ITPR2: variants seen among roughly 807,000 people sequenced by gnomAD.
ITPR2 encodes the protein inositol 1,4,5-trisphosphate receptor type 2.
Under a neutral mutation model 317.1 loss-of-function variants are expected in ITPR2, and 207 were observed. The observed-to-expected ratio is 0.65, with a 90% CI of 0.58 to 0.73. The LOEUF (loss-of-function observed/expected upper bound fraction) is 0.73, where lower values mean the gene tolerates loss of function less well. Among genes scored for constraint, ITPR2 ranks in the 30% least tolerant of loss-of-function variants. The pLI is 0.00. For missense variants in ITPR2, 2,613 were observed against 3,284.0 expected, an observed-to-expected ratio of 0.80 and a Z score of 4.99; for synonymous variants, 1,156 against 1,149.1, an observed-to-expected ratio of 1.01 and a Z score of -0.12.
chr12:26,682,665 T>A lies in ITPR2; in HGVS notation c.1157A>T (p.Tyr386Phe), dbSNP rs1178717385. The A allele has an allele frequency of 1.2e-6, 2 of 1,607,796 alleles. No homozygotes were observed. Among genetic ancestry groups the A allele is most frequent in the Non-Finnish European group, 1.7e-6 (2 of 1,175,562 alleles). The change falls in exon 12 of 57, where the codon TAT (tyrosine) becomes TTT (phenylalanine). Residue 386 changes from tyrosine (Y) to phenylalanine (F), a missense_variant. By Grantham distance (22) the Tyr-to-Phe change is conservative. Transcript: ENST00000381340. Reference sequence around the variant, plus strand: ...GGTGCATAAATGCCTTAACCGAACATATGAGTTCCTAAAAGCAAAACAATA... The same window carrying A: ...GGTGCATAAATGCCTTAACCGAACAAATGAGTTCCTAAAAGCAAAACAATA... ...RADCLVPRNS[Y>F]VRLRHLCTNT... is the part of the protein sequence containing the mutation.
rs774760266 is a variant in ITPR2 at position 26,665,975 on chromosome 12, C to T, written c.1486G>A (p.Val496Met). Residue 496 changes from valine to methionine, a missense_variant, in exon 14 of 57, where the codon GTG becomes ATG. Val to Met is a conservative substitution (Grantham distance 21). Transcript: ENST00000381340. ...VPNNGQEVLD[V>M]VITKPNRERQ... ...TCTCGGTTTGGCTTAGTGATAACCA[C>T]ATCCAGAACTTCTTGTCCATTATTA... 3 of 1,613,672 alleles carry T rather than the reference C, an allele frequency of 1.9e-6. No homozygotes were observed. The highest frequency in any genetic ancestry group is 2.5e-6 in the Non-Finnish European group (3 of 1,179,604).
At chr12:26,372,891 C>A (rs937372281) in intron 55 of ITPR2, among the ~76,000 whole-genome samples, 3 of 152,312 alleles carry the variant, frequency 2.0e-5, no homozygotes, top group Middle Eastern at 3.4e-3. Flanking sequence ...TCGCGCCTCC[C>A]ACTGCCCCCC....
At chr12:26,697,746 T>C (rs1362023393) in intron 9 of ITPR2, among the ~76,000 whole-genome samples, 2 of 152,084 alleles carry the variant, frequency 1.3e-5, no homozygotes, top group Non-Finnish European at 2.9e-5. Context: ...AGGCAGAGGT[T>C]GCAGTGACTG....
At chr12:26,531,654 T>TAC (rs144906868) in intron 37 of ITPR2, among the ~76,000 whole-genome samples, 49,758 of 138,636 alleles carry the variant, frequency 0.36, 9,743 homozygotes, top group Non-Finnish European at 0.49. Flanking sequence ...TTACTGTATT[T>TAC]ACACACACAC....
intron 1 of ITPR2, among the ~76,000 whole-genome samples, chr12:26,814,390 A>C (rs1009820042): frequency 3.3e-5 from 5 of 152,198 alleles, no homozygotes; most frequent in African/African-American, 1.2e-4. Context: ...AAATAAAACT[A>C]GTGTCTTCAG....
chr12:26,452,108 TC>T (rs1021567112), intron 45 of ITPR2, among the ~76,000 whole-genome samples: 2 of 152,004 alleles, frequency 1.3e-5, no homozygotes, highest in African/African-American at 4.8e-5. Context: ...TACACCCCTC[TC>T]CCCCTGCACC....
At chr12:26,712,716 T>G (rs1948670783) in intron 8 of ITPR2, among the ~76,000 whole-genome samples, 1 of 152,034 alleles carries the variant, frequency 6.6e-6, no homozygotes, top group Admixed American at 6.5e-5. Flanking sequence ...TAACAAATGA[T>G]CTGAAGATCC....
chr12:26,369,466 T>G (rs563015678), intron 55 of ITPR2, among the ~76,000 whole-genome samples: 5 of 152,126 alleles, frequency 3.3e-5, no homozygotes, highest in Non-Finnish European at 7.4e-5. Flanking sequence ...TGTGAAGAGA[T>G]ATTTTGATGG....
intron 1 of ITPR2, among the ~76,000 whole-genome samples, chr12:26,803,317 A>T (rs1306175065): frequency 6.6e-6 from 1 of 152,040 alleles, no homozygotes; most frequent in African/African-American, 2.4e-5. Context: ...TTTAATCTTT[A>T]TCTCCTCAAT....
At chr12:26,589,766 G>T (rs549775663) in intron 32 of ITPR2, among the ~76,000 whole-genome samples, 1 of 130,310 alleles carries the variant, frequency 7.7e-6, no homozygotes, top group East Asian at 2.0e-4. Flanking sequence ...CAGCCTGAGT[G>T]AAAGAACGAA....
At chr12:26,389,655 G>A (rs1939774531) in intron 54 of ITPR2, among the ~76,000 whole-genome samples, 2 of 152,078 alleles carry the variant, frequency 1.3e-5, no homozygotes, top group Non-Finnish European at 2.9e-5. Context: ...TGATCATCCT[G>A]TTTAAAAATA....
At chr12:26,345,043 T>A (rs370856766) in intron 55 of ITPR2, among the ~76,000 whole-genome samples, 16 of 152,330 alleles carry the variant, frequency 1.1e-4, no homozygotes, top group African/African-American at 3.6e-4. Flanking sequence ...CCCTTGTGTA[T>A]CTGCTGGTCT....
At chr12:26,782,357 T>C (rs1035410321) in intron 2 of ITPR2, among the ~76,000 whole-genome samples, 1 of 145,758 alleles carries the variant, frequency 6.9e-6, no homozygotes, top group East Asian at 2.0e-4. Flanking sequence ...GACAGAAAAA[T>C]CCCTAAAGAA....
intron 37 of ITPR2, among the ~76,000 whole-genome samples, chr12:26,543,273 A>G (rs545902422): frequency 6.6e-6 from 1 of 152,180 alleles, no homozygotes; most frequent in Admixed American, 6.5e-5. Context: ...TGGACCTCTA[A>G]AGTATCTTTA....
chr12:26,741,534 G>C (rs1457718337), intron 2 of ITPR2, among the ~76,000 whole-genome samples: 7 of 152,138 alleles, frequency 4.6e-5, no homozygotes, highest in African/African-American at 1.7e-4. Flanking sequence ...GTTGACACAG[G>C]GGAAGTTTTG....
intron 1 of ITPR2, among the ~76,000 whole-genome samples, chr12:26,795,977 CTG>C (rs1950431964): frequency 7.3e-6 from 1 of 137,544 alleles, no homozygotes; most frequent in South Asian, 2.3e-4. Flanking sequence ...GAGCGAGACT[CTG>C]TTTCCAAAAA....
intron 52 of ITPR2, among the ~76,000 whole-genome samples, chr12:26,406,888 G>A (rs1220467380): frequency 2.0e-5 from 3 of 152,142 alleles, no homozygotes; most frequent in African/African-American, 4.8e-5. Flanking sequence ...TACAAAAAGT[G>A]TATGGAAGAA....
intron 1 of ITPR2, among the ~76,000 whole-genome samples, chr12:26,821,732 T>C (rs1950941773): frequency 6.6e-6 from 1 of 152,240 alleles, no homozygotes; most frequent in African/African-American, 2.4e-5. Context: ...CTTTAGAGCT[T>C]TTGAGATCAA....
intron 49 of ITPR2, chr12:26,419,586 T>C (rs550738531): frequency 6.3e-4 from 99 of 156,524 alleles, no homozygotes; most frequent in Middle Eastern, 3.2e-3. Context: ...AGGGCCTTGA[T>C]GGTTTATTCT....
Sources: gnomAD v4.1 joint callset for allele counts (sites outside exome capture counted in the v4.1 genomes callset) on GRCh38, gnomAD v4.1.1 for gene constraint, MANE v1.5 for transcripts, NCBI Gene and HGNC (gene_info 2026-07-23, HGNC 2026-07-21) for gene names.